Variants in COL4A5 observed in about 807,000 individuals in gnomAD.
COL4A5 encodes collagen type IV alpha 5 chain.
COL4A5 carries 26 observed loss-of-function variants against 130.2 expected under a neutral mutation model. The observed-to-expected ratio is 0.20, with a 90% CI of 0.15 to 0.28. The LOEUF is 0.28. Ranked by LOEUF, COL4A5 falls within the 10% of genes least tolerant of loss-of-function variation. The probability of loss-of-function intolerance (pLI) is 1.00; values close to 1 mark genes in which losing one functional copy is unlikely to be tolerated. For missense variants in COL4A5, 1,131 were observed against 1,344.3 expected, an observed-to-expected ratio of 0.84 and a Z score of 2.48; for synonymous variants, 496 against 439.6, an observed-to-expected ratio of 1.13 and a Z score of -1.60.
intron 2 of COL4A5, among the ~76,000 whole-genome samples, chrX:108,557,439 T>C (rs73636509): frequency 0.1 from 11,590 of 111,639 alleles, 1,278 homozygotes; most frequent in African/African-American, 0.34. Context: ...TGTAGTAATA[T>C]GTCAGTAATA....
intron 1 of COL4A5, among the ~76,000 whole-genome samples, chrX:108,492,378 CT>C (rs758806700): frequency 6.3e-5 from 7 of 111,960 alleles, no homozygotes; most frequent in African/African-American, 2.3e-4. Flanking sequence ...GAAAAAGTCA[CT>C]AAACAAACAA....
intron 36 of COL4A5, chrX:108,627,562 T>C (rs1357845311): frequency 1.4e-6 from 1 of 696,834 alleles, no homozygotes; most frequent in African/African-American, 2.4e-5. Context: ...TATGTAGTTA[T>C]TTATACTGTA....
intron 1 of COL4A5, among the ~76,000 whole-genome samples, chrX:108,480,275 A>G (rs2064876080): frequency 8.9e-6 from 1 of 112,264 alleles, no homozygotes; most frequent in Admixed American, 9.4e-5. Flanking sequence ...TTCACCTTGG[A>G]AGGAATATCT....
At chrX:108,612,186 T>A (rs2147844526) in intron 29 of COL4A5, among the ~76,000 whole-genome samples, 1 of 111,518 alleles carries the variant, frequency 9.0e-6, no homozygotes, top group South Asian at 3.7e-4. Context: ...ATCCATTATG[T>A]TTAGTGGTGA....
At chrX:108,592,637 C>T (rs1006360344) in intron 21 of COL4A5, among the ~76,000 whole-genome samples, 8 of 110,678 alleles carry the variant, frequency 7.2e-5, no homozygotes, top group African/African-American at 2.6e-4. Flanking sequence ...CAGTCTATAT[C>T]CTACTAATCC....
At chrX:108,601,024 C>T (rs918852770) in intron 25 of COL4A5, among the ~76,000 whole-genome samples, 2 of 111,463 alleles carry the variant, frequency 1.8e-5, no homozygotes, top group African/African-American at 6.5e-5. Flanking sequence ...GGTGGATCAT[C>T]CTTATTCGTT....
chrX:108,646,642 T>A (rs1005946677), intron 36 of COL4A5, among the ~76,000 whole-genome samples: 5 of 112,158 alleles, frequency 4.5e-5, no homozygotes, highest in African/African-American at 1.6e-4. Flanking sequence ...GTTTTAGACA[T>A]GAAGTCCTTG....
chrX:108,553,900 A>C (rs2065786220), intron 2 of COL4A5, among the ~76,000 whole-genome samples: 2 of 112,344 alleles, frequency 1.8e-5, no homozygotes, highest in Non-Finnish European at 3.8e-5. Context: ...AATAAAAAGT[A>C]ATGAACTATT....
Position 108,620,388 on chromosome X carries a change from C to G in COL4A5, c.2639C>G (p.Pro880Arg). The change falls in exon 31 of 53, where the codon CCA (proline) becomes CGA (arginine). Residue 880 changes from proline (P) to arginine (R), a missense_variant. Physicochemically the swap from Pro to Arg is moderately radical, Grantham distance 103. Coordinates refer to ENST00000328300, the MANE Select transcript of COL4A5 (RefSeq NM_033380.3). ...APGPIGPPGS[P>R]GLPGKAGASG... ...GGTCCTATAGGACCTCCAGGATCAC[C>G]AGGGCTTCCAGGAAAAGCAGGTGCC... The G allele has an allele frequency of 8.3e-7, 1 of 1,209,886 alleles. No homozygotes were observed. Among genetic ancestry groups the G allele is most frequent in the Non-Finnish European group, 1.1e-6 (1 of 894,422 alleles).
At chrX:108,664,736 G>GA (rs2068040397) in intron 37 of COL4A5, among the ~76,000 whole-genome samples, 1 of 111,769 alleles carries the variant, frequency 8.9e-6, no homozygotes, top group Non-Finnish European at 1.9e-5. Flanking sequence ...ATCCAATTTT[G>GA]AAAAATGGAG....
chrX:108,647,763 C>T (rs1446918023), intron 36 of COL4A5, among the ~76,000 whole-genome samples: 1 of 111,605 alleles, frequency 9.0e-6, no homozygotes, highest in Non-Finnish European at 1.9e-5. Context: ...CCCATCAATA[C>T]CTAATTTATT....
chrX:108,480,772 C>T (rs1603252823), intron 1 of COL4A5, among the ~76,000 whole-genome samples: 1 of 112,784 alleles, frequency 8.9e-6, no homozygotes, highest in East Asian at 2.8e-4. Flanking sequence ...CTGTCATTCT[C>T]CAAGATCCGT....
chrX:108,667,664 G>A (rs2068112296), intron 40 of COL4A5, among the ~76,000 whole-genome samples: 1 of 109,906 alleles, frequency 9.1e-6, no homozygotes, highest in African/African-American at 3.3e-5. Context: ...TGTACATACA[G>A]ACATGTATGT....
At chrX:108,465,522 T>C (rs752894506) in intron 1 of COL4A5, among the ~76,000 whole-genome samples, 1 of 112,300 alleles carries the variant, frequency 8.9e-6, no homozygotes, top group Non-Finnish European at 1.9e-5. Context: ...TACACACACC[T>C]AGTATTTTTC....
chrX:108,491,880 A>G (rs752667837), intron 1 of COL4A5, among the ~76,000 whole-genome samples: 1 of 111,530 alleles, frequency 9.0e-6, no homozygotes, highest in Admixed American at 9.6e-5. Context: ...TGAGGCAGCT[A>G]TGGGGGTGGA....
Position 108,626,293 on chromosome X carries a change from G to A in COL4A5, c.3190G>A (p.Asp1064Asn), listed in dbSNP as rs377337832. ...GSPGLPGQKGDKGDPGISSIG... is the reference protein window; with the variant it reads ...GSPGLPGQKGNKGDPGISSIG... ...CCCAGGATTACCTGGACAGAAAGGC[G>A]ACAAAGGTGATCCTGGTATTTCAAG... The change falls in exon 36 of 53, where the codon GAC becomes AAC. Residue 1064 changes from aspartate to asparagine, a missense_variant. Physicochemically the swap from Asp to Asn is conservative, Grantham distance 23. Transcript: ENST00000328300. 9.9e-6 allele frequency: 12 copies of A among 1,210,816 alleles called. No individual in the cohort carries two copies. Among genetic ancestry groups the A allele is most frequent in the Middle Eastern group, 4.7e-4 (2 of 4,250 alleles).
At position 108,696,325 on chromosome X, in the gene COL4A5, G is replaced by A; in HGVS notation, c.5023G>A (p.Gly1675Arg). Reference sequence around the variant, plus strand: ...ACCTCAGTCAGAAACGCTGAAAGCAGGAGACTTGAGGACACGAATTAGCCG... The same window carrying A: ...ACCTCAGTCAGAAACGCTGAAAGCAAGAGACTTGAGGACACGAATTAGCCG... ...SKPQSETLKA[G>R]DLRTRISRCQ... Residue 1675 changes from glycine (G) to arginine (R), a missense_variant, in exon 53 of 53, where the codon GGA becomes AGA. Physicochemically the swap from Gly to Arg is moderately radical, Grantham distance 125. Coordinates refer to ENST00000328300, the MANE Select transcript of COL4A5 (RefSeq NM_033380.3). 1 of 1,209,712 alleles carries A rather than the reference G, an allele frequency of 8.3e-7. No individual in the cohort carries two copies. Among genetic ancestry groups the A allele is most frequent in the East Asian group, 3.0e-5 (1 of 33,816 alleles).
chrX:108,631,702 GAA>G (rs1020107942), intron 36 of COL4A5, among the ~76,000 whole-genome samples: 3 of 111,415 alleles, frequency 2.7e-5, no homozygotes, highest in African/African-American at 9.8e-5. Context: ...TGACTACATG[GAA>G]ACTGAACAAC....
intron 29 of COL4A5, among the ~76,000 whole-genome samples, chrX:108,609,084 G>A (rs992702269): frequency 3.6e-5 from 4 of 111,897 alleles, no homozygotes; most frequent in African/African-American, 9.7e-5. Context: ...TATGAGTGAA[G>A]CTGTTAAAGA....
Sources: allele counts gnomAD v4.1 joint callset (sites outside exome capture counted in the v4.1 genomes callset), GRCh38; gene constraint gnomAD v4.1.1; transcripts MANE v1.5; gene names NCBI Gene and HGNC (gene_info 2026-07-23, HGNC 2026-07-21).